ADGRL2: variants seen among roughly 807,000 people sequenced by gnomAD.
ADGRL2 encodes calcium-independent alpha-latrotoxin receptor 2.
ADGRL2 carries 44 observed loss-of-function variants against 157.4 expected under a neutral mutation model. That is an observed-to-expected ratio of 0.28 (90% confidence interval 0.22 to 0.36). The LOEUF is 0.36. Among genes scored for constraint, ADGRL2 ranks in the 10% least tolerant of loss-of-function variants. ADGRL2 has a pLI of 1.00. For missense variants in ADGRL2, 1,510 were observed against 1,768.9 expected, an observed-to-expected ratio of 0.85 and a Z score of 2.63; for synonymous variants, 585 against 624.7, an observed-to-expected ratio of 0.94 and a Z score of 0.95.
intron 1 of ADGRL2, among the ~76,000 whole-genome samples, chr1:81,707,373 A>T (rs1419984883): frequency 6.6e-6 from 1 of 152,198 alleles, no homozygotes; most frequent in Non-Finnish European, 1.5e-5. Context: ...CTTTGAATAC[A>T]GTCTATCCTC....
chr1:81,648,381 C>T (rs752035930), intron 3 of ADGRL2, among the ~76,000 whole-genome samples: 3 of 152,180 alleles, frequency 2.0e-5, no homozygotes, highest in African/African-American at 4.8e-5. Flanking sequence ...GTCTCTGCTC[C>T]GGTGTGCTGC....
intron 3 of ADGRL2, among the ~76,000 whole-genome samples, chr1:81,610,955 TA>T (rs2081529448): frequency 6.6e-6 from 1 of 152,176 alleles, no homozygotes; most frequent in South Asian, 2.1e-4. Context: ...ATTAATATCA[TA>T]GAAAGAGATC....
intron 2 of ADGRL2, among the ~76,000 whole-genome samples, chr1:81,509,876 A>C (rs1251678068): frequency 6.6e-6 from 1 of 152,188 alleles, no homozygotes; most frequent in Admixed American, 6.5e-5. Flanking sequence ...AGTGAAATAC[A>C]TGCTCAGGAC....
intron 2 of ADGRL2, among the ~76,000 whole-genome samples, chr1:81,566,389 G>T (rs2080563369): frequency 6.6e-6 from 1 of 152,132 alleles, no homozygotes; most frequent in Admixed American, 6.6e-5. Context: ...GTCCATCATA[G>T]TTGAGACCGG....
In ADGRL2 at chr1:81,981,931, C is replaced by T; in HGVS notation, c.3237C>T (p.Phe1079=). ...MAYLFTIFNA[F]QGVFIFIFHC... Reference sequence around the variant, plus strand: ...ATCTCTTCACTATATTTAATGCTTTCCAGGGAGTGTTCATTTTCATCTTTC... The same window carrying T: ...ATCTCTTCACTATATTTAATGCTTTTCAGGGAGTGTTCATTTTCATCTTTC... Residue 1079 remains phenylalanine (F), a synonymous_variant, in exon 19 of 24, where the codon TTC becomes TTT. Transcript: ENST00000686636. The T allele has an allele frequency of 6.2e-7, 1 of 1,612,058 alleles. No homozygotes were observed. Among genetic ancestry groups the T allele is most frequent in the Non-Finnish European group, 8.5e-7 (1 of 1,178,818 alleles).
intron 2 of ADGRL2, among the ~76,000 whole-genome samples, chr1:81,559,107 T>C (rs1408963119): frequency 6.6e-6 from 1 of 152,194 alleles, no homozygotes; most frequent in Admixed American, 6.5e-5. Context: ...TCCCACCATA[T>C]GCTAAGTCTA....
At chr1:81,901,374 T>G (rs568760766) in intron 2 of ADGRL2, among the ~76,000 whole-genome samples, 8 of 152,272 alleles carry the variant, frequency 5.3e-5, no homozygotes, top group Non-Finnish European at 1.0e-4. Context: ...TCTTAGTTAT[T>G]ATACCAGTGT....
chr1:81,485,546 T>C (rs1385566221), intron 2 of ADGRL2, among the ~76,000 whole-genome samples: 1 of 152,176 alleles, frequency 6.6e-6, no homozygotes, highest in African/African-American at 2.4e-5. Context: ...TTCTGTGCCT[T>C]GGTTTAATAT....
At chr1:81,487,676 G>T (rs955647143) in intron 2 of ADGRL2, among the ~76,000 whole-genome samples, 8 of 152,034 alleles carry the variant, frequency 5.3e-5, no homozygotes, top group Non-Finnish European at 1.2e-4. Flanking sequence ...GAAAAATATG[G>T]AAAATGGGGA....
At chr1:81,959,419 T>G (rs888728173) in intron 11 of ADGRL2, among the ~76,000 whole-genome samples, 6 of 152,196 alleles carry the variant, frequency 3.9e-5, no homozygotes, top group Admixed American at 6.5e-5. Flanking sequence ...TTGTCAGAAA[T>G]ATGCATTCTG....
At chr1:81,656,846 CA>C (rs1430293482) in intron 3 of ADGRL2, among the ~76,000 whole-genome samples, 1 of 151,574 alleles carries the variant, frequency 6.6e-6, no homozygotes, top group Non-Finnish European at 1.5e-5. Context: ...CCTGTCTCTA[CA>C]AAAAATACAA....
chr1:81,848,090 T>C (rs1215903671), intron 2 of ADGRL2, among the ~76,000 whole-genome samples: 1 of 151,848 alleles, frequency 6.6e-6, no homozygotes, highest in African/African-American at 2.4e-5. Flanking sequence ...TTCTTCTTAG[T>C]GGACACAATC....
intron 2 of ADGRL2, among the ~76,000 whole-genome samples, chr1:81,850,005 T>C (rs1249913077): frequency 6.6e-6 from 1 of 150,962 alleles, no homozygotes; most frequent in Non-Finnish European, 1.5e-5. Context: ...TGGTTGACAT[T>C]GTGCTATAGT....
intron 2 of ADGRL2, among the ~76,000 whole-genome samples, chr1:81,763,665 A>G (rs2085985343): frequency 6.6e-6 from 1 of 151,530 alleles, no homozygotes; most frequent in Admixed American, 6.6e-5. Flanking sequence ...TGAGCAGATC[A>G]CAAGTTCAGG....
intron 1 of ADGRL2, among the ~76,000 whole-genome samples, chr1:81,416,170 T>C (rs1235521685): frequency 6.6e-6 from 1 of 152,094 alleles, no homozygotes; most frequent in African/African-American, 2.4e-5. Flanking sequence ...TCCTTATTGC[T>C]AAAACAGAAG....
intron 1 of ADGRL2, chr1:81,426,684 G>A (rs940484097): frequency 3.4e-5 from 16 of 471,842 alleles, no homozygotes; most frequent in Non-Finnish European, 6.6e-5. Context: ...CGTTCCAGGG[G>A]GTTTGGTTTT....
chr1:81,637,389 T>A (rs185938528), intron 3 of ADGRL2, among the ~76,000 whole-genome samples: 1 of 152,320 alleles, frequency 6.6e-6, no homozygotes, highest in East Asian at 1.9e-4. Flanking sequence ...CCACGGCTAG[T>A]AGGTAGTAGA....
At chr1:81,491,551 C>A (rs1016782817) in intron 2 of ADGRL2, among the ~76,000 whole-genome samples, 3 of 152,012 alleles carry the variant, frequency 2.0e-5, no homozygotes, top group African/African-American at 7.2e-5. Flanking sequence ...AAAACACAAA[C>A]AGAAGGGATT....
chr1:81,945,058 G>A (rs563423650), intron 6 of ADGRL2, among the ~76,000 whole-genome samples: 8 of 151,918 alleles, frequency 5.3e-5, no homozygotes, highest in Non-Finnish European at 7.4e-5. Context: ...TTGGCTTATA[G>A]TTGTAGCAGT....
Sources: allele counts gnomAD v4.1 joint callset (sites outside exome capture counted in the v4.1 genomes callset), GRCh38; gene constraint gnomAD v4.1.1; transcripts MANE v1.5; gene names NCBI Gene and HGNC (gene_info 2026-07-23, HGNC 2026-07-21).